Variants in ROCK2 observed in about 807,000 individuals in gnomAD.
The protein encoded by ROCK2 is rho-associated protein kinase 2.
Under a neutral mutation model 195.1 loss-of-function variants are expected in ROCK2, and 61 were observed. The observed-to-expected ratio is 0.31, with a 90% CI of 0.25 to 0.39. The LOEUF (loss-of-function observed/expected upper bound fraction) is 0.39, where lower values mean the gene tolerates loss of function less well. Ranked by LOEUF, ROCK2 falls within the 10% of genes least tolerant of loss-of-function variation. ROCK2 has a pLI of 1.00. For synonymous variants in ROCK2, 504 were observed against 545.5 expected (o/e 0.92, Z 1.06); for missense variants, 1,109 against 1,637.4 (o/e 0.68, Z 5.57).
chr2:11,221,144 T>C (rs943342167), intron 9 of ROCK2, 54 bp downstream of exon 9: 5 of 1,340,100 alleles, frequency 3.7e-6, no homozygotes, highest in South Asian at 1.7e-5. Context: ...TAACACATCA[T>C]CTTATAGCTA....
At chr2:11,227,872 T>C (rs1029853583) in intron 5 of ROCK2, among the ~76,000 whole-genome samples, 1 of 152,026 alleles carries the variant, frequency 6.6e-6, no homozygotes, top group Non-Finnish European at 1.5e-5. Context: ...GCTCTTGTAT[T>C]ACCAAGAAAA....
At chr2:11,248,809 C>G (rs891185991) in intron 4 of ROCK2, among the ~76,000 whole-genome samples, 2 of 150,266 alleles carry the variant, frequency 1.3e-5, no homozygotes, top group African/African-American at 4.9e-5. Flanking sequence ...AATTAGGAGC[C>G]ACAATATTGT....
chr2:11,298,718 G>T (rs1667613643), intron 1 of ROCK2, among the ~76,000 whole-genome samples: 1 of 152,064 alleles, frequency 6.6e-6, no homozygotes, highest in East Asian at 1.9e-4. Flanking sequence ...GAGGGAGCAG[G>T]TTATGAGAAG....
chr2:11,250,533 C>G (rs944701589), intron 3 of ROCK2, among the ~76,000 whole-genome samples: 3 of 152,166 alleles, frequency 2.0e-5, no homozygotes, highest in Admixed American at 1.3e-4. Flanking sequence ...ACTGCTAACA[C>G]GAATACTTGG....
intron 3 of ROCK2, among the ~76,000 whole-genome samples, chr2:11,278,764 C>T (rs547341459): frequency 5.3e-5 from 8 of 152,188 alleles, no homozygotes; most frequent in South Asian, 2.1e-4. Context: ...AGGTGCCTGC[C>T]GCCACGCCTG....
At chr2:11,299,565 A>C (rs1667642984) in intron 1 of ROCK2, among the ~76,000 whole-genome samples, 2 of 152,154 alleles carry the variant, frequency 1.3e-5, no homozygotes, top group South Asian at 4.1e-4. Flanking sequence ...AAAATGGAGA[A>C]GTGTTTTGAG....
At chr2:11,288,003 T>C (rs1277234746) in intron 1 of ROCK2, among the ~76,000 whole-genome samples, 3 of 152,226 alleles carry the variant, frequency 2.0e-5, no homozygotes, top group African/African-American at 7.2e-5. Flanking sequence ...ATTATTATTT[T>C]TGCTAGACAG....
chr2:11,238,326 T>C (rs1158513657), intron 4 of ROCK2, among the ~76,000 whole-genome samples: 1 of 151,432 alleles, frequency 6.6e-6, no homozygotes, highest in South Asian at 2.1e-4. Flanking sequence ...TGTACACGGA[T>C]TGGAAGAATC....
chr2:11,221,981 T>A, intron 8 of ROCK2, 102 bp downstream of exon 8: 1 of 647,048 alleles, frequency 1.5e-6, no homozygotes, highest in South Asian at 2.4e-5. Flanking sequence ...AAAAATGAGT[T>A]AGCATTAAGT....
intron 3 of ROCK2, among the ~76,000 whole-genome samples, chr2:11,265,646 T>A (rs995925135): frequency 6.6e-5 from 10 of 151,808 alleles, no homozygotes; most frequent in African/African-American, 2.2e-4. Context: ...TAAATGGAGG[T>A]TTTAACACGT....
intron 1 of ROCK2, among the ~76,000 whole-genome samples, chr2:11,310,804 T>C (rs999737831): frequency 6.6e-6 from 1 of 152,100 alleles, no homozygotes; most frequent in Non-Finnish European, 1.5e-5. Context: ...TTTACAATTT[T>C]AAGTTACACT....
At position 11,309,381 on chromosome 2, in the gene ROCK2, G is replaced by A. The variant is rs1024375856; in HGVS notation, c.142-21645C>T. Among the ~76,000 whole-genome samples the A allele has an allele frequency of 9.2e-5, 14 of 152,274 alleles. 1 individual carries two copies. The highest frequency in any genetic ancestry group is 6.2e-4 in the South Asian group (3 of 4,822). On this transcript the variant is annotated intron_variant, in intron 1 of 32. Transcript: ENST00000315872. ...CAGTCTCCCACAGACTTCGAGGAAT[G>A]ACTGTATATGTACGCGTGTGTGCAT...
chr2:11,277,037 T>C (rs937636619), intron 3 of ROCK2, among the ~76,000 whole-genome samples: 9 of 152,212 alleles, frequency 5.9e-5, no homozygotes, highest in African/African-American at 2.2e-4. Context: ...AAATTTACTA[T>C]ATACTCCCTG....
intron 20 of ROCK2, among the ~76,000 whole-genome samples, chr2:11,205,181 T>C (rs1031450297): frequency 3.3e-5 from 5 of 152,280 alleles, no homozygotes; most frequent in Middle Eastern, 3.4e-3. Flanking sequence ...AATGCTCTGA[T>C]AAAAACCTTA....
At chr2:11,208,737 C>T (rs1039219149) in intron 18 of ROCK2, among the ~76,000 whole-genome samples, 1 of 151,690 alleles carries the variant, frequency 6.6e-6, no homozygotes, top group African/African-American at 2.4e-5. Context: ...GGATTACAGG[C>T]GTGTGCCACC....
intron 4 of ROCK2, among the ~76,000 whole-genome samples, chr2:11,236,305 T>TA (rs1206924501): frequency 6.6e-6 from 1 of 151,872 alleles, no homozygotes; most frequent in African/African-American, 2.4e-5. Flanking sequence ...TCACTATAAT[T>TA]TAAAAAAAAC....
chr2:11,259,056 G>A (rs984820353), intron 3 of ROCK2, among the ~76,000 whole-genome samples: 1 of 151,312 alleles, frequency 6.6e-6, no homozygotes, highest in Non-Finnish European at 1.5e-5. Context: ...CAAGAGAAGT[G>A]AGGACAGGGG....
chr2:11,219,381 G>C (rs1008063787), intron 9 of ROCK2, among the ~76,000 whole-genome samples: 2 of 150,314 alleles, frequency 1.3e-5, no homozygotes, highest in African/African-American at 4.9e-5. Flanking sequence ...CATGGTGGTG[G>C]ACACCTGTAG....
intron 1 of ROCK2, among the ~76,000 whole-genome samples, chr2:11,316,468 T>C (rs984141653): frequency 2.0e-5 from 3 of 152,158 alleles, no homozygotes; most frequent in African/African-American, 4.8e-5. Context: ...AATTATTCCA[T>C]AGTATTTAAT....
Sources: allele counts gnomAD v4.1 joint callset (sites outside exome capture counted in the v4.1 genomes callset), GRCh38; gene constraint gnomAD v4.1.1; transcripts MANE v1.5; gene names NCBI Gene and HGNC (gene_info 2026-07-23, HGNC 2026-07-21).